The following ABRAXAS2 variants were observed in gnomAD, a reference collection of about 807,000 sequenced individuals.
The protein encoded by ABRAXAS2 is BRISC complex subunit Abraxas 2.
A neutral mutation model predicts 49.0 loss-of-function variants in ABRAXAS2; 23 were observed. The ratio of observed to expected loss-of-function variants is 0.47; its 90% CI spans 0.34 to 0.66. The LOEUF (loss-of-function observed/expected upper bound fraction) is 0.66, where lower values mean the gene tolerates loss of function less well. Among genes scored for constraint, ABRAXAS2 ranks in the 30% least tolerant of loss-of-function variants. The probability of loss-of-function intolerance (pLI) is 0.01; values close to 1 mark genes in which losing one functional copy is unlikely to be tolerated. For missense variants in ABRAXAS2, 443 were observed against 511.9 expected, an observed-to-expected ratio of 0.87 and a Z score of 1.30; for synonymous variants, 168 against 180.2, an observed-to-expected ratio of 0.93 and a Z score of 0.54.
Position 124,834,994 on chromosome 10 carries a change from C to T in ABRAXAS2, c.*23C>T. The T allele has an allele frequency of 6.5e-7, 1 of 1,532,176 alleles. No homozygotes were observed. Among genetic ancestry groups the T allele is most frequent in the Non-Finnish European group, 8.8e-7 (1 of 1,135,918 alleles). 94.9% of individuals were successfully genotyped at this position (1,532,176 alleles called of 1,614,324 possible). ...TAACTAAACAAAAGAAACTCTCCAC[C>T]TAGCACTGTTTTTCTTCATTGCTTA... On this transcript the variant is annotated 3_prime_UTR_variant, in exon 9 of 9. Transcript: ENST00000298492.
intron 7 of ABRAXAS2, among the ~76,000 whole-genome samples, chr10:124,829,848 C>T (rs955055924): frequency 2.0e-5 from 3 of 152,200 alleles, no homozygotes; most frequent in African/African-American, 7.2e-5. Flanking sequence ...TCTGCTTCTT[C>T]ATCCTAGTTC....
chr10:124,826,125 A>C (rs1406365790), intron 4 of ABRAXAS2, among the ~76,000 whole-genome samples: 2 of 152,260 alleles, frequency 1.3e-5, no homozygotes, highest in Non-Finnish European at 2.9e-5. Flanking sequence ...GTATGCTCTT[A>C]GAAGTTTGAT....
intron 4 of ABRAXAS2, among the ~76,000 whole-genome samples, chr10:124,826,062 C>T (rs1192606890): frequency 2.0e-5 from 3 of 152,168 alleles, no homozygotes; most frequent in African/African-American, 7.2e-5. Flanking sequence ...AAAAGCTAAA[C>T]TTTTAAAATA....
rs374030304 is a variant in ABRAXAS2 at position 124,810,581 on chromosome 10, TG to T, written c.163+3661del. Among the ~76,000 whole-genome samples the T allele has an allele frequency of 1.1e-3, 116 of 101,660 alleles. 1 individual carries two copies. The highest frequency in any genetic ancestry group is 4.0e-3 in the African/African-American group (113 of 28,328). The allele number at this position is 101,660 out of a possible 152,430, so 66.7% of individuals were successfully genotyped here. A position where few individuals can be genotyped will look rare whatever the true frequency, so the allele number is the denominator to read the frequency against. ...GGTATAGTTAGTCTTTCGTCGAGGA[TG>T]TTTTTGGTTTTTTTTTTTTGAGATG... On this transcript the variant is annotated intron_variant, in intron 2 of 8. Transcript: ENST00000298492.
chr10:124,831,842 C>A (rs71488631), intron 8 of ABRAXAS2, among the ~76,000 whole-genome samples: 2,986 of 37,702 alleles, frequency 0.079, 182 homozygotes, highest in Middle Eastern at 0.2. Flanking sequence ...TGTGTCCTGT[C>A]TTTTTTTTTT....
chr10:124,811,240 A>G (rs553369086), intron 2 of ABRAXAS2, among the ~76,000 whole-genome samples: 1 of 151,878 alleles, frequency 6.6e-6, no homozygotes, highest in East Asian at 2.0e-4. Context: ...ATAAAATCCT[A>G]AAACAGAATT....
chr10:124,829,803 G>A (rs1386472295), intron 7 of ABRAXAS2, among the ~76,000 whole-genome samples: 2 of 152,192 alleles, frequency 1.3e-5, no homozygotes, highest in Admixed American at 6.5e-5. Context: ...TCTAAGTAGA[G>A]ACAATATCAA....
chr10:124,820,037 G>A (rs188351619), intron 4 of ABRAXAS2, among the ~76,000 whole-genome samples: 16 of 152,246 alleles, frequency 1.1e-4, no homozygotes, highest in African/African-American at 3.4e-4. Context: ...AAATAGATCC[G>A]TTACTAACCA....
chr10:124,817,349 G>A (rs1219836329), intron 3 of ABRAXAS2, among the ~76,000 whole-genome samples: 1 of 152,124 alleles, frequency 6.6e-6, no homozygotes, highest in African/African-American at 2.4e-5. Context: ...AGAGACACCT[G>A]GAGGGAAAAG....
chr10:124,821,437 G>A (rs953123767), intron 4 of ABRAXAS2, among the ~76,000 whole-genome samples: 9 of 151,976 alleles, frequency 5.9e-5, no homozygotes, highest in African/African-American at 1.4e-4. Context: ...GTGGTGGCAC[G>A]TGCCTCTTGT....
In ABRAXAS2 at chr10:124,836,011, T is replaced by C. The variant is rs1047215852; in HGVS notation, c.*1040T>C. ...AATTGCAGTATGTGTAGAGACTCTC[T>C]TGGGATGCACTTATATTTTTATTTA... is the stretch of plus-strand genomic sequence containing the variant. On this transcript the variant is annotated 3_prime_UTR_variant, in exon 9 of 9. Transcript: ENST00000298492. 2 of 152,592 alleles carry C rather than the reference T, an allele frequency of 1.3e-5. No individual in the cohort carries two copies. Among genetic ancestry groups the C allele is most frequent in the Non-Finnish European group, 2.9e-5 (2 of 68,020 alleles). The allele number at this position is 152,592 out of a possible 1,614,324, so 9.5% of individuals were successfully genotyped here.
At chr10:124,802,415 C>T (rs1032352453) in intron 1 of ABRAXAS2, among the ~76,000 whole-genome samples, 1 of 152,168 alleles carries the variant, frequency 6.6e-6, no homozygotes, top group African/African-American at 2.4e-5. Flanking sequence ...TTTTCTTCGC[C>T]CTGATGCAAA....
At chr10:124,819,160 G>T (rs1950844675) in intron 3 of ABRAXAS2, among the ~76,000 whole-genome samples, 1 of 152,140 alleles carries the variant, frequency 6.6e-6, no homozygotes, top group Non-Finnish European at 1.5e-5. Flanking sequence ...CCCACATGTG[G>T]AAGTAATATC....
chr10:124,828,619 C>T, intron 5 of ABRAXAS2, 137 bp from the exon 6 acceptor site: 1 of 659,282 alleles, frequency 1.5e-6, no homozygotes, highest in Admixed American at 3.1e-5. Context: ...GGTGATCTGC[C>T]TGCCTCGGCC....
At chr10:124,814,145 C>G (rs1324886031) in intron 2 of ABRAXAS2, among the ~76,000 whole-genome samples, 1 of 151,904 alleles carries the variant, frequency 6.6e-6, no homozygotes, top group Non-Finnish European at 1.5e-5. Flanking sequence ...GCATGCGCCA[C>G]CATGCCCGGC....
chr10:124,830,349 G>A (rs779179199), intron 7 of ABRAXAS2, among the ~76,000 whole-genome samples: 14 of 152,174 alleles, frequency 9.2e-5, no homozygotes, highest in Non-Finnish European at 1.8e-4. Flanking sequence ...GGGAAGCTGA[G>A]GAAGGAGGAT....
At chr10:124,812,863 A>G (rs1244321434) in intron 2 of ABRAXAS2, among the ~76,000 whole-genome samples, 1 of 152,192 alleles carries the variant, frequency 6.6e-6, no homozygotes, top group Non-Finnish European at 1.5e-5. Context: ...CCATGCACAG[A>G]CACCTTTCCA....
chr10:124,821,160 A>G (rs1437283590), intron 4 of ABRAXAS2, among the ~76,000 whole-genome samples: 3 of 151,736 alleles, frequency 2.0e-5, no homozygotes, highest in African/African-American at 4.8e-5. Flanking sequence ...TGATCTGCCC[A>G]CCTCGGCCTC....
intron 8 of ABRAXAS2, among the ~76,000 whole-genome samples, chr10:124,832,663 G>A (rs1950940549): frequency 2.0e-5 from 3 of 151,944 alleles, no homozygotes; most frequent in Admixed American, 2.0e-4. Flanking sequence ...TGGCCAAAGT[G>A]GTGATACCTC....
Sources: allele counts gnomAD v4.1 joint callset (sites outside exome capture counted in the v4.1 genomes callset), GRCh38; gene constraint gnomAD v4.1.1; transcripts MANE v1.5; gene names NCBI Gene and HGNC (gene_info 2026-07-23, HGNC 2026-07-21).